Variants in EPHA4 observed in about 807,000 individuals in gnomAD.
EPHA4 encodes EPH receptor A4, also known as ephrin type-A receptor 4.
A neutral mutation model predicts 108.3 loss-of-function variants in EPHA4; 19 were observed. That is an observed-to-expected ratio of 0.18 (90% CI 0.12 to 0.26). The LOEUF (loss-of-function observed/expected upper bound fraction) is 0.26, where lower values mean the gene tolerates loss of function less well. EPHA4 is among the 10% of genes least tolerant of loss of function. The pLI, the probability that EPHA4 is intolerant of heterozygous loss-of-function variation, is 1.00. For missense variants in EPHA4, 917 were observed against 1,254.0 expected (o/e 0.73, Z 4.06); for synonymous variants, 449 against 455.5 (o/e 0.99, Z 0.18).
chr2:221,550,357 T>A (rs1694119563), intron 3 of EPHA4, among the ~76,000 whole-genome samples: 1 of 151,438 alleles, frequency 6.6e-6, no homozygotes, highest in African/African-American at 2.4e-5. Context: ...GCTAATTTTT[T>A]AATGTAAAAC....
intron 4 of EPHA4, among the ~76,000 whole-genome samples, chr2:221,489,818 C>A (rs1452711957): frequency 6.6e-6 from 1 of 152,050 alleles, no homozygotes; most frequent in Non-Finnish European, 1.5e-5. Context: ...TGCTTTAGCC[C>A]AGTCCAGCTC....
At chr2:221,456,263 C>T (rs1414473452) in intron 7 of EPHA4, among the ~76,000 whole-genome samples, 1 of 151,676 alleles carries the variant, frequency 6.6e-6, no homozygotes, top group Non-Finnish European at 1.5e-5. Context: ...TTAATCTTCT[C>T]AGGGAGAAAA....
At chr2:221,520,531 C>A (rs1183454149) in intron 3 of EPHA4, among the ~76,000 whole-genome samples, 2 of 118,164 alleles carry the variant, frequency 1.7e-5, no homozygotes, top group Non-Finnish European at 3.4e-5. Flanking sequence ...CACACACACA[C>A]ACACACACAC....
At chr2:221,551,468 T>C (rs1271577598) in intron 3 of EPHA4, among the ~76,000 whole-genome samples, 1 of 152,200 alleles carries the variant, frequency 6.6e-6, no homozygotes, top group East Asian at 1.9e-4. Flanking sequence ...GGTAAAACAT[T>C]ACTTCTCTTC....
chr2:221,429,387 C>T (rs551070368), intron 15 of EPHA4, among the ~76,000 whole-genome samples: 1 of 152,220 alleles, frequency 6.6e-6, no homozygotes, highest in Admixed American at 6.5e-5. Flanking sequence ...CTTTAAAATC[C>T]TTCCCAAACA....
intron 3 of EPHA4, among the ~76,000 whole-genome samples, chr2:221,561,737 T>G (rs904666061): frequency 2.0e-5 from 3 of 152,204 alleles, no homozygotes; most frequent in Non-Finnish European, 4.4e-5. Context: ...GTTGTAAAAA[T>G]GTCAAGGAGT....
intron 3 of EPHA4, among the ~76,000 whole-genome samples, chr2:221,557,792 A>G (rs1287520900): frequency 6.6e-6 from 1 of 152,218 alleles, no homozygotes; most frequent in Non-Finnish European, 1.5e-5. Flanking sequence ...ATGAAACATA[A>G]CTCCACCAAA....
intron 3 of EPHA4, among the ~76,000 whole-genome samples, chr2:221,510,783 C>T (rs1247496690): frequency 1.3e-5 from 2 of 152,192 alleles, no homozygotes; most frequent in Admixed American, 1.3e-4. Context: ...AACAGATCAT[C>T]TGATTATTTG....
intron 4 of EPHA4, among the ~76,000 whole-genome samples, chr2:221,485,512 G>C (rs1037866987): frequency 6.6e-6 from 1 of 152,112 alleles, no homozygotes; most frequent in Non-Finnish European, 1.5e-5. Context: ...GGACACTGTC[G>C]CTGCCTCGAA....
chr2:221,485,340 G>A (rs1272218044), intron 4 of EPHA4, among the ~76,000 whole-genome samples: 2 of 152,198 alleles, frequency 1.3e-5, no homozygotes, highest in Non-Finnish European at 2.9e-5. Context: ...ACGAAAACAC[G>A]TGCTAAGCTA....
intron 8 of EPHA4, 41 bp downstream of exon 8, chr2:221,455,506 G>A (rs780385114): frequency 6.9e-7 from 1 of 1,458,288 alleles, no homozygotes; most frequent in Non-Finnish European, 9.6e-7. Context: ...ATAAACACTG[G>A]GAAGGTCGGG....
chr2:221,564,487 T>C, intron 2 of EPHA4, 93 bp from the exon 3 acceptor site: 1 of 1,327,532 alleles, frequency 7.5e-7, no homozygotes. Context: ...ACCTGATTAT[T>C]TTTCTTTCAA....
chr2:221,570,821 C>A (rs1694812290), intron 1 of EPHA4, among the ~76,000 whole-genome samples: 1 of 150,536 alleles, frequency 6.6e-6, no homozygotes. Context: ...GACGGACGGA[C>A]GGACAGATAT....
intron 7 of EPHA4, among the ~76,000 whole-genome samples, chr2:221,456,380 A>C (rs1690952039): frequency 6.6e-6 from 1 of 152,150 alleles, no homozygotes; most frequent in African/African-American, 2.4e-5. Context: ...AATAGGCAAC[A>C]TTTTTCATTC....
At chr2:221,504,469 G>C (rs1692573442) in intron 3 of EPHA4, among the ~76,000 whole-genome samples, 2 of 151,836 alleles carry the variant, frequency 1.3e-5, no homozygotes, top group Non-Finnish European at 1.5e-5. Context: ...GATTTTTGAT[G>C]CATTGATGTG....
At chr2:221,426,929 C>G (rs2106089607) in intron 15 of EPHA4, among the ~76,000 whole-genome samples, 1 of 152,242 alleles carries the variant, frequency 6.6e-6, no homozygotes, top group South Asian at 2.1e-4. Flanking sequence ...CTGGGAGAGC[C>G]CTCATGGCCG....
intron 3 of EPHA4, among the ~76,000 whole-genome samples, chr2:221,527,553 G>A (rs1485749050): frequency 3.9e-5 from 6 of 152,124 alleles, no homozygotes; most frequent in Non-Finnish European, 5.9e-5. Context: ...AGCTGAGTAT[G>A]GAGGCCCCAG....
intron 15 of EPHA4, among the ~76,000 whole-genome samples, chr2:221,428,461 A>G (rs1689976482): frequency 6.6e-6 from 1 of 152,208 alleles, no homozygotes; most frequent in Non-Finnish European, 1.5e-5. Flanking sequence ...TAATACCTCA[A>G]CTTGTTCTGT....
chr2:221,466,328 C>G (rs1691313449), intron 5 of EPHA4, among the ~76,000 whole-genome samples: 1 of 152,182 alleles, frequency 6.6e-6, no homozygotes, highest in Non-Finnish European at 1.5e-5. Context: ...CAGATGAAAA[C>G]TGAGGCCCTG....
Sources: gnomAD v4.1 joint callset for allele counts (sites outside exome capture counted in the v4.1 genomes callset) on GRCh38, gnomAD v4.1.1 for gene constraint, MANE v1.5 for transcripts, NCBI Gene and HGNC (gene_info 2026-07-23, HGNC 2026-07-21) for gene names.